Variants in GPC6 observed in about 807,000 individuals in gnomAD.
The protein encoded by GPC6 is glypican 6, also known as glypican-6.
A neutral mutation model predicts 55.2 loss-of-function variants in GPC6; 14 were observed. The observed-to-expected ratio is 0.25, with a 90% CI of 0.17 to 0.40. The LOEUF (loss-of-function observed/expected upper bound fraction) is 0.40. Among genes scored for constraint, GPC6 ranks in the 10% least tolerant of loss-of-function variants. GPC6 has a pLI of 1.00. For missense variants in GPC6, 641 were observed against 708.5 expected, an observed-to-expected ratio of 0.90 and a Z score of 1.08; for synonymous variants, 278 against 259.6, an observed-to-expected ratio of 1.07 and a Z score of -0.68.
At chr13:93,381,416 A>G (rs938960872) in intron 1 of GPC6, among the ~76,000 whole-genome samples, 4 of 152,164 alleles carry the variant, frequency 2.6e-5, no homozygotes, top group Admixed American at 6.5e-5. Flanking sequence ...GTCAGAAAGC[A>G]TTGTCTAATA....
Position 93,227,521 on chromosome 13 carries a change from G to T in GPC6, c.65G>T (p.Gly22Val). The T allele has an allele frequency of 7.4e-6, 12 of 1,613,858 alleles. No homozygotes were observed. The highest frequency in any genetic ancestry group is 9.3e-6 in the Non-Finnish European group (11 of 1,179,816). Reference protein sequence around the residue: ...LLGLLLSLPAGADVKARSCGE... With the variant: ...LLGLLLSLPAVADVKARSCGE... ...GGGCTGCTGCTCTCCCTCCCCGCCG[G>T]GGCGGATGTGAAGGCTCGGAGCTGC... The change falls in exon 1 of 9, where the codon GGG becomes GTG. Residue 22 changes from glycine (G) to valine (V), a missense_variant. By Grantham distance (109) the Gly-to-Val change is moderately radical. Transcript: ENST00000377047. The surrounding 1 kb of genome is among the most constrained non-coding windows in gnomAD (Gnocchi z 4.3).
intron 3 of GPC6, among the ~76,000 whole-genome samples, chr13:93,863,714 CT>C (rs1288929184): frequency 1.3e-5 from 2 of 151,638 alleles, no homozygotes; most frequent in Non-Finnish European, 3.0e-5. Context: ...TGTCCTCCCC[CT>C]GGTATTTATG....
chr13:93,618,266 T>C (rs1361899488), intron 2 of GPC6, among the ~76,000 whole-genome samples: 3 of 152,108 alleles, frequency 2.0e-5, no homozygotes, highest in South Asian at 2.1e-4. Flanking sequence ...CAAAAATATA[T>C]ACATGTGCAA....
At chr13:94,054,176 T>A (rs1884050720) in intron 4 of GPC6, among the ~76,000 whole-genome samples, 1 of 152,110 alleles carries the variant, frequency 6.6e-6, no homozygotes, top group Admixed American at 6.6e-5. Flanking sequence ...AGGAAGTAAA[T>A]CTTGCTAGCT....
intron 4 of GPC6, among the ~76,000 whole-genome samples, chr13:94,095,959 C>T (rs1273381941): frequency 6.6e-6 from 1 of 152,066 alleles, no homozygotes; most frequent in Non-Finnish European, 1.5e-5. Flanking sequence ...CTTCTGATCA[C>T]TAAGAATGCC....
intron 7 of GPC6, 40 bp downstream of exon 7, chr13:94,382,590 A>G: frequency 6.2e-7 from 1 of 1,612,578 alleles, no homozygotes; most frequent in South Asian, 1.1e-5. Context: ...GGGGCACAGC[A>G]CACCCAGCCT....
chr13:93,324,275 A>T (rs1009888850), intron 1 of GPC6, among the ~76,000 whole-genome samples: 10 of 152,078 alleles, frequency 6.6e-5, no homozygotes, highest in African/African-American at 2.4e-4. Context: ...TAGAGAATAG[A>T]AGAATGGTTA....
rs17175259 is a variant in GPC6 at position 94,331,098 on chromosome 13, T to A, written c.1152+24975T>A. On this transcript the variant is annotated intron_variant, in intron 6 of 8. Coordinates refer to ENST00000377047, the MANE Select transcript of GPC6 (RefSeq NM_005708.5). ...AGATTTAAGAAACTGTATGCAGTGA[T>A]TTTTAGGATGGGGACTAGTACAATA... is the stretch of plus-strand genomic sequence containing the variant. Among the ~76,000 whole-genome samples, 806 of 152,290 alleles carry A rather than the reference T, an allele frequency of 5.3e-3. 19 individuals are homozygous for A. The East Asian group carries it at 0.088, about 17-fold the overall frequency.
At chr13:93,857,707 G>A (rs1033639162) in intron 3 of GPC6, among the ~76,000 whole-genome samples, 8 of 151,564 alleles carry the variant, frequency 5.3e-5, no homozygotes, top group African/African-American at 1.5e-4. Context: ...CAGCAAATGC[G>A]TTAAAGCAAA....
intron 2 of GPC6, among the ~76,000 whole-genome samples, chr13:93,791,594 G>GTTTTTC (rs757175644): frequency 4.0e-5 from 6 of 151,868 alleles, no homozygotes; most frequent in Non-Finnish European, 7.4e-5. Flanking sequence ...AGGCCTCGTT[G>GTTTTTC]TTTTTCTTTT....
intron 4 of GPC6, among the ~76,000 whole-genome samples, chr13:94,040,643 T>G (rs1248604018): frequency 2.0e-5 from 3 of 151,808 alleles, no homozygotes; most frequent in Non-Finnish European, 4.4e-5. Flanking sequence ...AGAGGAAAGG[T>G]CAAGCCTGAG....
At chr13:93,743,048 T>C (rs1884264136) in intron 2 of GPC6, among the ~76,000 whole-genome samples, 1 of 152,114 alleles carries the variant, frequency 6.6e-6, no homozygotes. Context: ...GAAATAAAAG[T>C]AGTTGTAGTT....
chr13:93,972,911 C>CTCTCTCTG (rs1236830202), intron 3 of GPC6, among the ~76,000 whole-genome samples: 1 of 151,836 alleles, frequency 6.6e-6, no homozygotes, highest in South Asian at 2.1e-4. Context: ...CTTTCTCTCT[C>CTCTCTCTG]TCTCTCTGTC....
chr13:94,180,330 G>T (rs1424246497), intron 4 of GPC6, among the ~76,000 whole-genome samples: 1 of 152,132 alleles, frequency 6.6e-6, no homozygotes, highest in Non-Finnish European at 1.5e-5. Context: ...CTTACCACAT[G>T]TTTGGATCAT....
At chr13:94,224,902 T>A (rs1890498618) in intron 4 of GPC6, among the ~76,000 whole-genome samples, 1 of 152,162 alleles carries the variant, frequency 6.6e-6, no homozygotes, top group Non-Finnish European at 1.5e-5. Flanking sequence ...GTGCTTTGTC[T>A]TCAGGACCGT....
At chr13:93,757,478 G>C (rs530893948) in intron 2 of GPC6, among the ~76,000 whole-genome samples, 1 of 152,222 alleles carries the variant, frequency 6.6e-6, no homozygotes, top group South Asian at 2.1e-4. Flanking sequence ...CTGTTACTGA[G>C]ATCTATGGGA....
chr13:93,690,482 T>G (rs1882219702), intron 2 of GPC6, among the ~76,000 whole-genome samples: 2 of 152,000 alleles, frequency 1.3e-5, no homozygotes, highest in Non-Finnish European at 2.9e-5. Flanking sequence ...TTTTATGGCC[T>G]CTCACTAGAA....
At chr13:93,747,426 G>C (rs771342519) in intron 2 of GPC6, among the ~76,000 whole-genome samples, 2 of 152,180 alleles carry the variant, frequency 1.3e-5, no homozygotes, top group Admixed American at 6.5e-5. Context: ...ATCAGCAAGT[G>C]TCAGTGCCCC....
At chr13:94,149,402 C>T (rs1283806059) in intron 4 of GPC6, among the ~76,000 whole-genome samples, 1 of 152,126 alleles carries the variant, frequency 6.6e-6, no homozygotes, top group African/African-American at 2.4e-5. Flanking sequence ...AAAGACAGAA[C>T]TTGGGTCCAA....
Sources: gnomAD v4.1 joint callset for allele counts (sites outside exome capture counted in the v4.1 genomes callset) on GRCh38, gnomAD v4.1.1 for gene constraint, Gnocchi (gnomAD v3.1) non-coding constraint, MANE v1.5 for transcripts, NCBI Gene and HGNC (gene_info 2026-07-23, HGNC 2026-07-21) for gene names.